TGM3: variants seen among roughly 807,000 people sequenced by gnomAD.
TGM3 encodes transglutaminase 3, also known as protein-glutamine gamma-glutamyltransferase E.
Under a neutral mutation model 73.8 loss-of-function variants are expected in TGM3, and 52 were observed. The observed-to-expected ratio is 0.70, with a 90% CI of 0.56 to 0.89. The LOEUF is 0.89. Among genes scored for constraint, TGM3 ranks in the 40% least tolerant of loss-of-function variants. The pLI is 0.00. For synonymous variants in TGM3, 372 were observed against 354.9 expected (o/e 1.05, Z -0.54); for missense variants, 928 against 909.9 (o/e 1.02, Z -0.26).
At chr20:2,299,012 A>G (rs1248631453) in intron 1 of TGM3, among the ~76,000 whole-genome samples, 1 of 152,050 alleles carries the variant, frequency 6.6e-6, no homozygotes, top group Non-Finnish European at 1.5e-5. Flanking sequence ...AGCTGCCCGT[A>G]TTTCAGCGTT....
chr20:2,340,504 A>C lies in TGM3; in HGVS notation c.2005A>C (p.Lys669Gln), dbSNP rs781210245. 1 of 1,614,130 alleles carries C rather than the reference A, an allele frequency of 6.2e-7. No individual in the cohort carries two copies. The highest frequency in any genetic ancestry group is 1.1e-5 in the South Asian group (1 of 91,082). The change falls in exon 13 of 13, where the codon AAG (lysine) becomes CAG (glutamine). Residue 669 changes from lysine (K) to glutamine (Q), a missense_variant. Coordinates refer to ENST00000381458, the MANE Select transcript of TGM3 (RefSeq NM_003245.4). ...FDILPSRSGT[K>Q]QLLADFSCNK... ...TATCCTGCCCTCCCGGAGTGGCACCAAGCAACTGCTCGCCGACTTCTCCTG... is the reference window on the plus strand; with the variant it reads ...TATCCTGCCCTCCCGGAGTGGCACCCAGCAACTGCTCGCCGACTTCTCCTG...
chr20:2,301,239 C>A (rs1487829792), intron 1 of TGM3, among the ~76,000 whole-genome samples: 6 of 150,496 alleles, frequency 4.0e-5, no homozygotes, highest in Non-Finnish European at 8.9e-5. Context: ...GTCCTTGGAG[C>A]CAGAGGAGGG....
At position 2,328,516 on chromosome 20, in the gene TGM3, C is replaced by A; in HGVS notation, c.1333+151C>A. On this transcript the variant is annotated intron_variant, in intron 9 of 12. Transcript: ENST00000381458. This position sits in a 1 kb window ranked among gnomAD's most constrained non-coding sequence, Gnocchi z 5.2. ...ATTGCTCCCTAGCACCTAACATCCA[C>A]CTCCCAGGACTGTTTCCGGAGGGAA... is the stretch of plus-strand genomic sequence containing the variant. 8.8e-7 allele frequency: 1 copy of A among 1,140,260 alleles called. No homozygotes were observed. Among genetic ancestry groups the A allele is most frequent in the Non-Finnish European group, 1.2e-6 (1 of 818,030 alleles). The allele number at this position is 1,140,260 out of a possible 1,614,324, so 70.6% of individuals were successfully genotyped here. A position where few individuals can be genotyped will look rare whatever the true frequency, so the allele number is the denominator to read the frequency against.
chr20:2,334,103 C>T lies in TGM3; in HGVS notation c.1643-1013C>T, dbSNP rs1418277624. Among the ~76,000 whole-genome samples the T allele has an allele frequency of 1.3e-5, 2 of 152,026 alleles. No homozygotes were observed. The highest frequency in any genetic ancestry group is 2.9e-5 in the Non-Finnish European group (2 of 68,002). On this transcript the variant is annotated intron_variant, in intron 10 of 12. Transcript: ENST00000381458. The surrounding 1 kb of genome is among the most constrained non-coding windows in gnomAD (Gnocchi z 4.0). ...AAGCCCATCAGGGTAGGGAAAGGGC[C>T]CCGCGGCCCACAGGGTCAGAAGAGA... is the stretch of plus-strand genomic sequence containing the variant.
intron 9 of TGM3, among the ~76,000 whole-genome samples, chr20:2,329,097 T>G (rs2084305922): frequency 6.6e-6 from 1 of 152,204 alleles, no homozygotes; most frequent in African/African-American, 2.4e-5. Flanking sequence ...CAAAAGTAAT[T>G]TAGTGCTTGC....
rs2084339454 is a variant in TGM3 at position 2,334,798 on chromosome 20, T to A, written c.1643-318T>A. On this transcript the variant is annotated intron_variant, in intron 10 of 12. Coordinates refer to ENST00000381458, the MANE Select transcript of TGM3 (RefSeq NM_003245.4). The surrounding 1 kb of genome is among the most constrained non-coding windows in gnomAD (Gnocchi z 4.0). ...ATCTCTACAAATAATTTAAAAAATTTTAAAAAAAAAGGACACTTGCCCTCC... is the reference window on the plus strand; with the variant it reads ...ATCTCTACAAATAATTTAAAAAATTATAAAAAAAAAGGACACTTGCCCTCC... Among the ~76,000 whole-genome samples, 1 of 152,016 alleles carries A rather than the reference T, an allele frequency of 6.6e-6. No homozygotes were observed. Among genetic ancestry groups the A allele is most frequent in the Admixed American group, 6.6e-5 (1 of 15,262 alleles).
intron 11 of TGM3, among the ~76,000 whole-genome samples, chr20:2,335,693 C>A (rs1348323631): frequency 6.6e-6 from 1 of 152,182 alleles, no homozygotes. Context: ...CACAGACAGG[C>A]ACAGGTGTAG....
intron 8 of TGM3, 102 bp downstream of exon 8, chr20:2,326,054 T>C (rs1337705042): frequency 5.2e-6 from 6 of 1,147,602 alleles, no homozygotes; most frequent in Non-Finnish European, 7.6e-6. Flanking sequence ...CCCTCTGGAA[T>C]GCATGATGGG....
At chr20:2,302,537 G>A (rs1321617382) in intron 1 of TGM3, among the ~76,000 whole-genome samples, 1 of 152,002 alleles carries the variant, frequency 6.6e-6, no homozygotes, top group South Asian at 2.1e-4. Context: ...CCATCCTCAG[G>A]CCCTAGCTCT....
chr20:2,319,537 G>C (rs1263493053), intron 7 of TGM3, among the ~76,000 whole-genome samples: 1 of 152,190 alleles, frequency 6.6e-6, no homozygotes, highest in African/African-American at 2.4e-5. Flanking sequence ...AGGTCTCCTG[G>C]TTAGTGATTC....
chr20:2,318,229 G>A (rs1197048361), intron 7 of TGM3, among the ~76,000 whole-genome samples: 1 of 152,094 alleles, frequency 6.6e-6, no homozygotes, highest in Non-Finnish European at 1.5e-5. Flanking sequence ...ATGTTGGTCA[G>A]GCTGGTCTTG....
chr20:2,304,789 C>T (rs964208796), intron 1 of TGM3, among the ~76,000 whole-genome samples: 2 of 152,192 alleles, frequency 1.3e-5, no homozygotes, highest in African/African-American at 4.8e-5. Context: ...ACACAGCCTA[C>T]AGGGAGTGCA....
At position 2,340,435 on chromosome 20, in the gene TGM3, G is replaced by T. The variant is rs760313314; in HGVS notation, c.1936G>T (p.Val646Leu). 4 of 1,613,990 alleles carry T rather than the reference G, an allele frequency of 2.5e-6. No homozygotes were observed. The highest frequency in any genetic ancestry group is 1.3e-5 in the African/African-American group (1 of 75,020). The change falls in exon 13 of 13, where the codon GTG becomes TTG. Residue 646 changes from valine to leucine, a missense_variant and splice_region_variant. Coordinates refer to ENST00000381458, the MANE Select transcript of TGM3 (RefSeq NM_003245.4). ...GLLLGNLKID[V>L]PTLGPKEGSR... is the part of the protein sequence containing the mutation. ...ACTGATCTGTGCCCTCCCCATCAGC[G>T]TGCCGACCCTAGGGCCCAAGGAGGG...
intron 8 of TGM3, 94 bp downstream of exon 8, chr20:2,326,046 C>T: frequency 1.7e-6 from 2 of 1,198,536 alleles, no homozygotes; most frequent in South Asian, 2.6e-5. Flanking sequence ...AGCCCTCTCC[C>T]TCTGGAATGC....
chr20:2,335,255 C>T lies in TGM3; in HGVS notation c.1782C>T (p.Asn594=), dbSNP rs1251009232. The change falls in exon 11 of 13, where the codon AAC becomes AAT. Residue 594 remains asparagine (N), a synonymous_variant. Transcript: ENST00000381458. ...TGGAGCGGGACATCATCCTGGACAACCCCACCTTGACCCTGGAGGTAATGG... is the reference window on the plus strand; with the variant it reads ...TGGAGCGGGACATCATCCTGGACAATCCCACCTTGACCCTGGAGGTAATGG... ...VVVERDIILD[N]PTLTLEVLNE... is the part of the protein sequence containing the mutation. 1.2e-6 allele frequency: 2 copies of T among 1,614,142 alleles called. No homozygotes were observed. Among genetic ancestry groups the T allele is most frequent in the Non-Finnish European group, 1.7e-6 (2 of 1,180,016 alleles).
intron 1 of TGM3, among the ~76,000 whole-genome samples, chr20:2,306,000 T>A (rs576854814): frequency 6.6e-6 from 1 of 152,314 alleles, no homozygotes; most frequent in East Asian, 1.9e-4. Flanking sequence ...ACCCCTCATA[T>A]TCTTCCTGCA....
intron 7 of TGM3, among the ~76,000 whole-genome samples, chr20:2,323,416 C>G (rs1378582706): frequency 2.0e-5 from 3 of 152,204 alleles, no homozygotes; most frequent in Non-Finnish European, 2.9e-5. Context: ...TTTGATATCC[C>G]ATTCCATGGC....
chr20:2,311,723 A>G (rs1472998883), intron 4 of TGM3, among the ~76,000 whole-genome samples: 1 of 152,190 alleles, frequency 6.6e-6, no homozygotes, highest in African/African-American at 2.4e-5. Context: ...GTGTGCTTGG[A>G]CCATCTACAG....
rs757617451 is a variant in TGM3, at chr20:2,317,509, AACTTCGAGC to A, written c.983+27_983+35del. 58 of 1,612,858 alleles carry A rather than the reference AACTTCGAGC, an allele frequency of 3.6e-5. No homozygotes were observed. In the East Asian group the frequency reaches 1.2e-3, roughly 35 times the overall value. ...TGGTAAGTATCTCACCTTTTCCCTG[AACTTCGAGC>A]ACCACATTTGAGTGGCTTCTCGCTC... On this transcript the variant is annotated intron_variant, in intron 7 of 12. Coordinates refer to ENST00000381458, the MANE Select transcript of TGM3 (RefSeq NM_003245.4).
Sources: allele counts gnomAD v4.1 joint callset (sites outside exome capture counted in the v4.1 genomes callset), GRCh38; gene constraint gnomAD v4.1.1; non-coding constraint Gnocchi (gnomAD v3.1); transcripts MANE v1.5; gene names NCBI Gene and HGNC (gene_info 2026-07-23, HGNC 2026-07-21).